The following EVI5 variants were observed in gnomAD, a reference collection of about 807,000 sequenced individuals.
EVI5 encodes the protein ecotropic viral integration site 5.
Under a neutral mutation model 112.0 loss-of-function variants are expected in EVI5, and 73 were observed. That is an observed-to-expected ratio of 0.65 (90% CI 0.54 to 0.79). EVI5 has a LOEUF of 0.79. Among genes scored for constraint, EVI5 ranks in the 30% least tolerant of loss-of-function variants. The probability of loss-of-function intolerance (pLI) is 0.00; values close to 1 mark genes in which losing one functional copy is unlikely to be tolerated. For synonymous variants in EVI5, 305 were observed against 319.9 expected (o/e 0.95, Z 0.50); for missense variants, 900 against 968.8 (o/e 0.93, Z 0.94).
At chr1:92,681,131 T>C (rs1667515739) in intron 9 of EVI5, among the ~76,000 whole-genome samples, 1 of 152,184 alleles carries the variant, frequency 6.6e-6, no homozygotes, top group South Asian at 2.1e-4. Flanking sequence ...GTTTTTGCCG[T>C]TGAAAGTAAT....
At chr1:92,753,151 G>A (rs868588910) in intron 1 of EVI5, among the ~76,000 whole-genome samples, 12 of 151,764 alleles carry the variant, frequency 7.9e-5, no homozygotes, top group South Asian at 2.1e-4. Context: ...AAAAAAGAAG[G>A]AAAATGTACA....
At chr1:92,758,447 T>A (rs1681290255) in intron 1 of EVI5, among the ~76,000 whole-genome samples, 1 of 151,730 alleles carries the variant, frequency 6.6e-6, no homozygotes, top group African/African-American at 2.4e-5. Context: ...CGCACACCTG[T>A]GGTCCCAGCT....
intron 19 of EVI5, among the ~76,000 whole-genome samples, chr1:92,555,621 GCA>G (rs1205163991): frequency 6.6e-6 from 1 of 152,084 alleles, no homozygotes; most frequent in African/African-American, 2.4e-5. Flanking sequence ...AGGCCGAGGG[GCA>G]CAGACTGCCT....
intron 13 of EVI5, among the ~76,000 whole-genome samples, chr1:92,659,208 A>C (rs545341084): frequency 1.6e-4 from 24 of 152,296 alleles, no homozygotes; most frequent in African/African-American, 5.8e-4. Flanking sequence ...ATTCATGACT[A>C]AGACCTCAAA....
chr1:92,538,193 C>T (rs1189577546), intron 19 of EVI5, among the ~76,000 whole-genome samples: 1 of 152,152 alleles, frequency 6.6e-6, no homozygotes, highest in African/African-American at 2.4e-5. Context: ...GCTGACACAT[C>T]TTGATAAAAT....
At chr1:92,757,248 C>T (rs1396579011) in intron 1 of EVI5, among the ~76,000 whole-genome samples, 1 of 152,198 alleles carries the variant, frequency 6.6e-6, no homozygotes, top group East Asian at 1.9e-4. Flanking sequence ...TTCAATACAA[C>T]AGAAAATTTG....
At chr1:92,723,196 TACCTC>T (rs1675031821) in intron 2 of EVI5, among the ~76,000 whole-genome samples, 1 of 152,230 alleles carries the variant, frequency 6.6e-6, no homozygotes, top group Admixed American at 6.5e-5. Flanking sequence ...CTTCAATAAT[TACCTC>T]AGCAGTACAT....
intron 19 of EVI5, among the ~76,000 whole-genome samples, chr1:92,534,622 C>T (rs952181189): frequency 1.5e-4 from 23 of 152,008 alleles, no homozygotes; most frequent in African/African-American, 4.8e-4. Flanking sequence ...TCAGAAATAA[C>T]GCCACACATG....
chr1:92,686,797 A>C (rs1374569885), intron 9 of EVI5, among the ~76,000 whole-genome samples: 7 of 152,164 alleles, frequency 4.6e-5, no homozygotes, highest in Non-Finnish European at 1.0e-4. Context: ...CACAATTACT[A>C]CAAAGAGAAT....
intron 18 of EVI5, among the ~76,000 whole-genome samples, chr1:92,592,123 G>A (rs1348920927): frequency 2.0e-5 from 3 of 152,190 alleles, no homozygotes; most frequent in Admixed American, 2.0e-4. Context: ...GGTGCCTGCA[G>A]TCCCAGCTAC....
At chr1:92,683,687 GA>G (rs1450207677) in intron 9 of EVI5, among the ~76,000 whole-genome samples, 4 of 152,166 alleles carry the variant, frequency 2.6e-5, no homozygotes, top group Non-Finnish European at 5.9e-5. Flanking sequence ...TGGCTAACTA[GA>G]ATAAACACTA....
intron 18 of EVI5, among the ~76,000 whole-genome samples, chr1:92,584,925 T>G (rs766432440): frequency 6.6e-6 from 1 of 152,052 alleles, no homozygotes; most frequent in African/African-American, 2.4e-5. Flanking sequence ...AGGCACAGTT[T>G]AAAAATACCA....
intron 2 of EVI5, among the ~76,000 whole-genome samples, chr1:92,721,225 C>A (rs1337998563): frequency 6.6e-6 from 1 of 152,166 alleles, no homozygotes; most frequent in East Asian, 1.9e-4. Context: ...GATACATGCA[C>A]ACGTATGTTT....
chr1:92,704,571 T>G lies in EVI5; in HGVS notation c.323A>C (p.Lys108Thr). 6.3e-7 allele frequency: 1 copy of G among 1,577,244 alleles called. No homozygotes were observed. Among genetic ancestry groups the G allele is most frequent in the Non-Finnish European group, 8.6e-7 (1 of 1,163,038 alleles). ...VNEWEDVRKK[K>T]EKQVKELVHK... Reference sequence around the variant, plus strand: ...CATGAATACCTTAACTTGCTTTTCCTTCTTTTTGCGTACATCTTCCCATTC... The same window carrying G: ...CATGAATACCTTAACTTGCTTTTCCGTCTTTTTGCGTACATCTTCCCATTC... The change falls in exon 3 of 20, where the codon AAG (lysine) becomes ACG (threonine). Residue 108 changes from lysine to threonine, a missense_variant. Coordinates refer to ENST00000684568, the MANE Select transcript of EVI5 (RefSeq NM_001350197.2).
At chr1:92,643,670 C>T (rs1660414447) in intron 13 of EVI5, among the ~76,000 whole-genome samples, 2 of 152,178 alleles carry the variant, frequency 1.3e-5, no homozygotes, top group Admixed American at 1.3e-4. Flanking sequence ...CATTCTATAA[C>T]TGGAACTGCA....
chr1:92,602,815 C>A (rs181715601), intron 18 of EVI5, among the ~76,000 whole-genome samples: 8 of 151,500 alleles, frequency 5.3e-5, no homozygotes, highest in Admixed American at 5.3e-4. Context: ...CAGTCAACAC[C>A]ACCAAAAAAA....
chr1:92,756,140 G>A, intron 1 of EVI5: 1 of 366,090 alleles, frequency 2.7e-6, no homozygotes, highest in South Asian at 2.7e-5. Context: ...AACAGCCTAG[G>A]TGTTATGACT....
At chr1:92,676,157 G>T (rs1297961823) in intron 10 of EVI5, among the ~76,000 whole-genome samples, 1 of 151,986 alleles carries the variant, frequency 6.6e-6, no homozygotes, top group Non-Finnish European at 1.5e-5. Flanking sequence ...AAAGGGAGGA[G>T]AGTTGATAAG....
chr1:92,628,451 T>C (rs1007975896), intron 14 of EVI5, among the ~76,000 whole-genome samples: 1 of 152,256 alleles, frequency 6.6e-6, no homozygotes, highest in African/African-American at 2.4e-5. Context: ...AGAATTTTTA[T>C]AGTTTCAGGT....
Sources: gnomAD v4.1 joint callset for allele counts (sites outside exome capture counted in the v4.1 genomes callset) on GRCh38, gnomAD v4.1.1 for gene constraint, MANE v1.5 for transcripts, NCBI Gene and HGNC (gene_info 2026-07-23, HGNC 2026-07-21) for gene names.